Variants in PARVA observed in about 807,000 individuals in gnomAD.
PARVA encodes the protein alpha-parvin.
In PARVA, 25 loss-of-function variants were observed where a neutral mutation model predicts 52.6. The ratio of observed to expected loss-of-function variants is 0.48; its 90% CI spans 0.35 to 0.66. The LOEUF is 0.66. Among genes scored for constraint, PARVA ranks in the 30% least tolerant of loss-of-function variants. The pLI is 0.01. For synonymous variants in PARVA, 185 were observed against 179.1 expected (o/e 1.03, Z -0.26); for missense variants, 373 against 450.9 (o/e 0.83, Z 1.56).
At chr11:12,395,483 A>G (rs1226675932) in intron 1 of PARVA, among the ~76,000 whole-genome samples, 2 of 152,190 alleles carry the variant, frequency 1.3e-5, no homozygotes, top group African/African-American at 2.4e-5. Context: ...AGCCTCTAAA[A>G]GTTAGAAGCA....
At chr11:12,509,146 G>C (rs1485862614) in intron 7 of PARVA, among the ~76,000 whole-genome samples, 1 of 150,368 alleles carries the variant, frequency 6.7e-6, no homozygotes, top group African/African-American at 2.5e-5. Context: ...TTGCCATGGG[G>C]AACAGGAGTT....
chr11:12,533,376 C>T lies in PARVA; in HGVS notation c.*5451C>T, dbSNP rs970682789. Among the ~76,000 whole-genome samples the T allele has an allele frequency of 7.9e-5, 12 of 152,178 alleles. No individual in the cohort carries two copies. Among genetic ancestry groups the T allele is most frequent in the African/African-American group, 2.9e-4 (12 of 41,446 alleles). On this transcript the variant is annotated 3_prime_UTR_variant, in exon 13 of 13. Transcript: ENST00000334956. ...GCTTGACAAACTATAAGCAAGCCTC[C>T]TGGATGTGGAATAATACATTTTCAA...
chr11:12,517,522 TG>T, intron 10 of PARVA, 87 bp from the exon 11 acceptor site: 1 of 958,746 alleles, frequency 1.0e-6, no homozygotes, highest in Non-Finnish European at 1.6e-6. Context: ...AGGCTTCAGG[TG>T]GCATAGCACA....
chr11:12,450,039 G>A (rs1395298199), intron 1 of PARVA, among the ~76,000 whole-genome samples: 5 of 152,082 alleles, frequency 3.3e-5, no homozygotes, highest in East Asian at 1.9e-4. Flanking sequence ...TCTTTTTCAC[G>A]AAGAATTGTT....
rs371538844 is a variant in PARVA, at chr11:12,528,547, TACA to T, written c.*626_*628del. 2 of 153,344 alleles carry T rather than the reference TACA, an allele frequency of 1.3e-5. No individual in the cohort carries two copies. The highest frequency in any genetic ancestry group is 6.5e-5 in the Admixed American group (1 of 15,498). The allele number at this position is 153,344 out of a possible 1,614,324, so 9.5% of individuals were successfully genotyped here. On this transcript the variant is annotated 3_prime_UTR_variant, in exon 13 of 13. Transcript: ENST00000334956. ...GTATGCATTCCTCAATAGTAGACAG[TACA>T]ACATGTTTATAACAAGCCAATTACA...
At chr11:12,439,563 G>A (rs1488836207) in intron 1 of PARVA, among the ~76,000 whole-genome samples, 1 of 152,180 alleles carries the variant, frequency 6.6e-6, no homozygotes, top group Non-Finnish European at 1.5e-5. Flanking sequence ...CAGCTGAAGG[G>A]ACAGGCCTGG....
intron 1 of PARVA, among the ~76,000 whole-genome samples, chr11:12,429,438 A>G (rs1940283949): frequency 6.6e-6 from 1 of 152,358 alleles, no homozygotes; most frequent in East Asian, 1.9e-4. Context: ...AAATGCATAT[A>G]TAAGTTAATT....
At chr11:12,433,711 C>A (rs1454236733) in intron 1 of PARVA, among the ~76,000 whole-genome samples, 1 of 152,172 alleles carries the variant, frequency 6.6e-6, no homozygotes, top group East Asian at 1.9e-4. Flanking sequence ...GAGGAAAAGA[C>A]TTGGAGTAAG....
chr11:12,450,691 G>A (rs559399072), intron 1 of PARVA, among the ~76,000 whole-genome samples: 6 of 152,164 alleles, frequency 3.9e-5, no homozygotes, highest in East Asian at 1.9e-4. Context: ...TGAGACCCAC[G>A]GCATTCAGTC....
At chr11:12,432,860 G>A (rs941988802) in intron 1 of PARVA, among the ~76,000 whole-genome samples, 2 of 152,156 alleles carry the variant, frequency 1.3e-5, no homozygotes, top group Non-Finnish European at 2.9e-5. Context: ...TCCATTCCCA[G>A]AAAACTGATT....
At chr11:12,471,559 C>T (rs572548561) in intron 1 of PARVA, among the ~76,000 whole-genome samples, 2 of 150,156 alleles carry the variant, frequency 1.3e-5, no homozygotes, top group East Asian at 4.0e-4. Flanking sequence ...TTTGCAGCGA[C>T]GTGGATGGAG....
chr11:12,407,617 C>T (rs1403658674), intron 1 of PARVA, among the ~76,000 whole-genome samples: 3 of 152,152 alleles, frequency 2.0e-5, no homozygotes, highest in African/African-American at 7.2e-5. Context: ...ATTTTTTCTC[C>T]TCTTGGTCTC....
chr11:12,409,918 T>G (rs1156556152), intron 1 of PARVA, among the ~76,000 whole-genome samples: 1 of 152,234 alleles, frequency 6.6e-6, no homozygotes, highest in Non-Finnish European at 1.5e-5. Flanking sequence ...CTTTCTTGAG[T>G]TCACTGCCTA....
In PARVA at chr11:12,463,262, T is replaced by C. The variant is rs373694796; in HGVS notation, c.137-10483T>C. Among the ~76,000 whole-genome samples, 9 of 152,270 alleles carry C rather than the reference T, an allele frequency of 5.9e-5. No homozygotes were observed. In the East Asian group the frequency reaches 1.5e-3, roughly 26 times the overall value. ...TATTACTATATTTTGTCTAAAGCCA[T>C]AGTTTATTCAGATTTCTTTAGCTTG... On this transcript the variant is annotated intron_variant, in intron 1 of 12. Transcript: ENST00000334956.
chr11:12,413,068 A>G (rs1940013974), intron 1 of PARVA, among the ~76,000 whole-genome samples: 1 of 152,080 alleles, frequency 6.6e-6, no homozygotes, highest in Admixed American at 6.5e-5. Context: ...TTGGGTGCCA[A>G]CTCTGTGCCA....
intron 1 of PARVA, among the ~76,000 whole-genome samples, chr11:12,460,994 T>G (rs566670376): frequency 3.9e-5 from 6 of 152,176 alleles, no homozygotes; most frequent in Non-Finnish European, 8.8e-5. Context: ...AGGGCCCTCA[T>G]ATTGCATTGC....
At chr11:12,508,663 C>A in intron 7 of PARVA, 21 bp downstream of exon 7, 2 of 1,558,360 alleles carry the variant, frequency 1.3e-6, no homozygotes, top group Non-Finnish European at 8.8e-7. Flanking sequence ...ACCATTGTTG[C>A]CAGCGATTCT....
At chr11:12,477,043 G>A (rs1409935508) in intron 3 of PARVA, 1 of 152,192 alleles carries the variant, frequency 6.6e-6, no homozygotes, top group Non-Finnish European at 1.5e-5. Flanking sequence ...TATCTCGATT[G>A]TGGTGGGGAT....
rs1422532225 is a variant in PARVA at position 12,530,211 on chromosome 11, T to TTGAG, written c.*2288_*2291dup. The TTGAG allele has an allele frequency of 6.6e-6, 1 of 152,208 alleles. No individual in the cohort carries two copies. The highest frequency in any genetic ancestry group is 1.9e-4 in the East Asian group (1 of 5,196). 9.4% of individuals were successfully genotyped at this position (152,208 alleles called of 1,614,324 possible). A position where few individuals can be genotyped will look rare whatever the true frequency, so the allele number is the denominator to read the frequency against. The stretch of plus-strand genomic sequence containing the variant: ...TTTATCAGAAAATTGTGTTTTGGGA[T>TTGAG]TGAGTTCTTTGTCTCAGCCCAGAAT... On this transcript the variant is annotated 3_prime_UTR_variant, in exon 13 of 13. Transcript: ENST00000334956.
Sources: gnomAD v4.1 joint callset for allele counts (sites outside exome capture counted in the v4.1 genomes callset) on GRCh38, gnomAD v4.1.1 for gene constraint, MANE v1.5 for transcripts, NCBI Gene and HGNC (gene_info 2026-07-23, HGNC 2026-07-21) for gene names.